The following LOC128706666 variants were observed in gnomAD, a reference collection of about 807,000 sequenced individuals.
chr20:10,423,230 G>C, the LOC128706666 span, among the ~76,000 whole-genome samples: 2 of 152,078 alleles, frequency 1.3e-5, no homozygotes, highest in Admixed American at 6.6e-5. Context: ...CTTGAGCCTA[G>C]GCAACGTGGC....
chr20:10,417,480 G>A, the LOC128706666 span, among the ~76,000 whole-genome samples: 288 of 152,224 alleles, frequency 1.9e-3, 7 homozygotes, highest in South Asian at 0.046. Context: ...GTGTGGTGGC[G>A]GATGCCTATA....
chr20:10,427,029 GACACACACACACACACAC>G, the LOC128706666 span, among the ~76,000 whole-genome samples: 47 of 130,724 alleles, frequency 3.6e-4, no homozygotes, highest in Non-Finnish European at 5.3e-4. Context: ...AGAAAACACT[GACACACACACACACACAC>G]ACACACACAC....
chr20:10,420,214 T>A, the LOC128706666 span, among the ~76,000 whole-genome samples: 1 of 152,190 alleles, frequency 6.6e-6, no homozygotes, highest in South Asian at 2.1e-4. Context: ...TAATCTTGTA[T>A]AAATTTGGAC....
the LOC128706666 span, among the ~76,000 whole-genome samples, chr20:10,416,351 C>G: frequency 1.3e-5 from 2 of 151,980 alleles, no homozygotes; most frequent in Admixed American, 6.6e-5. Context: ...ACAAGGTAAG[C>G]TGGGGTCCTT....
chr20:10,421,709 G>A, the LOC128706666 span, among the ~76,000 whole-genome samples: 2 of 151,906 alleles, frequency 1.3e-5, no homozygotes, highest in Non-Finnish European at 2.9e-5. Flanking sequence ...CAGGGTTATC[G>A]ACCTAGTTTA....
the LOC128706666 span, among the ~76,000 whole-genome samples, chr20:10,428,753 C>T: frequency 2.0e-5 from 3 of 152,126 alleles, no homozygotes; most frequent in African/African-American, 4.8e-5. Context: ...ACAGGAGAAT[C>T]GCTTGAATCC....
chr20:10,432,866 A>T, the LOC128706666 span, among the ~76,000 whole-genome samples: 2 of 151,690 alleles, frequency 1.3e-5, no homozygotes, highest in Non-Finnish European at 2.9e-5. Context: ...ACCTTAAATA[A>T]TCTCTAGGCT....
At chr20:10,419,633 T>C in the LOC128706666 span, among the ~76,000 whole-genome samples, 2 of 152,202 alleles carry the variant, frequency 1.3e-5, no homozygotes. Context: ...ACAATACTCC[T>C]GTGCTTTGGG....
At chr20:10,430,076 T>C in the LOC128706666 span, among the ~76,000 whole-genome samples, 1 of 152,254 alleles carries the variant, frequency 6.6e-6, no homozygotes. Flanking sequence ...GTTGTATTCC[T>C]GCTTTGCTTA....
At chr20:10,422,517 AG>A in the LOC128706666 span, among the ~76,000 whole-genome samples, 5 of 152,104 alleles carry the variant, frequency 3.3e-5, no homozygotes, top group Non-Finnish European at 5.9e-5. Flanking sequence ...AATTCTATTA[AG>A]GGCTACTTAC....
chr20:10,416,433 C>T, the LOC128706666 span, among the ~76,000 whole-genome samples: 1 of 151,778 alleles, frequency 6.6e-6, no homozygotes, highest in Admixed American at 6.6e-5. Flanking sequence ...AAAACAACAA[C>T]AGGAGTCAAC....
the LOC128706666 span, among the ~76,000 whole-genome samples, chr20:10,431,483 G>A: frequency 2.0e-4 from 30 of 152,042 alleles, no homozygotes; most frequent in South Asian, 5.8e-3. Context: ...AGAAGATAAT[G>A]GGACAATCTT....
the LOC128706666 span, among the ~76,000 whole-genome samples, chr20:10,424,745 T>C: frequency 1.4e-4 from 21 of 152,282 alleles, no homozygotes; most frequent in Admixed American, 7.2e-4. Flanking sequence ...AGTTCCTCTG[T>C]GGTTTTTTAC....
the LOC128706666 span, among the ~76,000 whole-genome samples, chr20:10,424,159 T>C: frequency 1.3e-5 from 2 of 152,120 alleles, no homozygotes; most frequent in East Asian, 3.9e-4. Context: ...CATATAATAG[T>C]CCCTTTTCAC....
At chr20:10,431,945 G>GGA in the LOC128706666 span, 2 of 120,878 alleles carry the variant, frequency 1.7e-5, no homozygotes, top group African/African-American at 6.1e-5. Context: ...TTATTCTCTA[G>GGA]CACGTGATTC....
the LOC128706666 span, among the ~76,000 whole-genome samples, chr20:10,424,478 T>A: frequency 6.6e-6 from 1 of 152,116 alleles, no homozygotes; most frequent in Non-Finnish European, 1.5e-5. Flanking sequence ...TAGTGAAAAA[T>A]CTCCAGTACA....
the LOC128706666 span, among the ~76,000 whole-genome samples, chr20:10,433,639 T>C: frequency 6.6e-6 from 1 of 152,108 alleles, no homozygotes; most frequent in Non-Finnish European, 1.5e-5. Flanking sequence ...CGCGGCTGCT[T>C]TCACGTAGCT....
At chr20:10,430,895 C>T in the LOC128706666 span, among the ~76,000 whole-genome samples, 6 of 152,302 alleles carry the variant, frequency 3.9e-5, no homozygotes, top group East Asian at 1.9e-4. Flanking sequence ...TTTTCAGACA[C>T]GCTGTTGGTC....
At chr20:10,428,501 ACCT>A in the LOC128706666 span, among the ~76,000 whole-genome samples, 1 of 152,148 alleles carries the variant, frequency 6.6e-6, no homozygotes, top group Non-Finnish European at 1.5e-5. Context: ...AGGTATGAAC[ACCT>A]CTAACTTGTT....
Sources: gnomAD v4.1 joint callset for allele counts (sites outside exome capture counted in the v4.1 genomes callset) on GRCh38, gnomAD v4.1.1 for gene constraint, MANE v1.5 for transcripts.